Variants in BCO1 observed in about 807,000 individuals in gnomAD.
The protein encoded by BCO1 is beta,beta-carotene 15,15'-dioxygenase.
Under a neutral mutation model 56.3 loss-of-function variants are expected in BCO1, and 54 were observed. The observed-to-expected ratio is 0.96, with a 90% CI of 0.77 to 1.20. BCO1 has a LOEUF of 1.20. Among genes scored for constraint, BCO1 ranks in the 50% most tolerant of loss-of-function variants. The probability of loss-of-function intolerance (pLI) is 0.00; values close to 1 mark genes in which losing one functional copy is unlikely to be tolerated. For synonymous variants in BCO1, 318 were observed against 266.1 expected, an observed-to-expected ratio of 1.20 and a Z score of -1.90; for missense variants, 801 against 690.9, an observed-to-expected ratio of 1.16 and a Z score of -1.79.
Position 81,290,723 on chromosome 16 carries a change from T to C in BCO1, c.*146T>C. The C allele has an allele frequency of 1.6e-6, 1 of 640,350 alleles. No homozygotes were observed. 39.7% of individuals were successfully genotyped at this position (640,350 alleles called of 1,614,324 possible). ...GACAAGGGCATGGCAAGAGAGCTTGTCAGTATCATTTCTTTCATTTTATTT... is the reference window on the plus strand; with the variant it reads ...GACAAGGGCATGGCAAGAGAGCTTGCCAGTATCATTTCTTTCATTTTATTT... On this transcript the variant is annotated 3_prime_UTR_variant, in exon 11 of 11. Coordinates refer to ENST00000258168, the MANE Select transcript of BCO1 (RefSeq NM_017429.3).
At chr16:81,245,849 C>CTTTTTT (rs1176582576) in intron 2 of BCO1, among the ~76,000 whole-genome samples, 2 of 93,368 alleles carry the variant, frequency 2.1e-5, no homozygotes, top group South Asian at 4.8e-4. Flanking sequence ...CCATCTCTGT[C>CTTTTTT]TTTTTTTTTT....
intron 7 of BCO1, among the ~76,000 whole-genome samples, chr16:81,278,451 C>G (rs750777989): frequency 3.3e-5 from 5 of 152,206 alleles, no homozygotes; most frequent in Non-Finnish European, 5.9e-5. Flanking sequence ...TGCCCCTTGA[C>G]AGCCCAAAGA....
At chr16:81,248,506 C>A (rs1905570635) in intron 2 of BCO1, among the ~76,000 whole-genome samples, 1 of 151,512 alleles carries the variant, frequency 6.6e-6, no homozygotes, top group African/African-American at 2.4e-5. Context: ...CTTGCTCTAA[C>A]ATTTACACAT....
At chr16:81,274,685 C>G (rs924887602) in intron 7 of BCO1, among the ~76,000 whole-genome samples, 4 of 152,184 alleles carry the variant, frequency 2.6e-5, no homozygotes, top group African/African-American at 9.6e-5. Flanking sequence ...CAACACCAGC[C>G]TGGCCAACAA....
intron 7 of BCO1, among the ~76,000 whole-genome samples, chr16:81,270,945 C>T (rs1333496062): frequency 6.6e-6 from 1 of 151,994 alleles, no homozygotes; most frequent in Non-Finnish European, 1.5e-5. Context: ...GGGGTTTCAC[C>T]GTGTTAGCCA....
chr16:81,247,971 G>C (rs1394259540), intron 2 of BCO1, among the ~76,000 whole-genome samples: 2 of 152,180 alleles, frequency 1.3e-5, no homozygotes, highest in East Asian at 1.9e-4. Flanking sequence ...GACCCTGTCT[G>C]TCTCAGTCTC....
intron 7 of BCO1, among the ~76,000 whole-genome samples, chr16:81,271,072 G>A (rs1294693725): frequency 1.3e-5 from 2 of 150,866 alleles, no homozygotes; most frequent in African/African-American, 4.9e-5. Flanking sequence ...CAGCTTTATT[G>A]AGATGTAATT....
intron 8 of BCO1, 109 bp downstream of exon 8, chr16:81,281,071 A>T: frequency 1.3e-6 from 1 of 791,202 alleles, no homozygotes; most frequent in Admixed American, 2.1e-5. Context: ...AAGGGCCAAA[A>T]AGGAAAGGGT....
At chr16:81,257,839 C>T (rs1376280897) in intron 2 of BCO1, among the ~76,000 whole-genome samples, 1 of 148,158 alleles carries the variant, frequency 6.7e-6, no homozygotes, top group Non-Finnish European at 1.5e-5. Flanking sequence ...AAGATTCCAC[C>T]ATTGCACTCC....
chr16:81,244,467 A>G (rs1905278777), intron 1 of BCO1, among the ~76,000 whole-genome samples: 2 of 152,128 alleles, frequency 1.3e-5, no homozygotes, highest in Admixed American at 6.6e-5. Flanking sequence ...AATCTGGTGT[A>G]TATTTCATTC....
intron 4 of BCO1, 131 bp from the exon 5 acceptor site, chr16:81,264,509 T>C: frequency 8.9e-7 from 1 of 1,126,996 alleles, no homozygotes; most frequent in Non-Finnish European, 1.3e-6. Flanking sequence ...ATCCCTCATC[T>C]CTCTGAACCT....
At position 81,245,502 on chromosome 16, in the gene BCO1, C is replaced by T. The variant is rs372051322; in HGVS notation, c.92C>T (p.Thr31Ile). The change falls in exon 2 of 11, where the codon ACC becomes ATC. Residue 31 changes from threonine (T) to isoleucine (I), a missense_variant. Thr to Ile is a moderately conservative substitution (Grantham distance 89, BLOSUM62 -1). Coordinates refer to ENST00000258168, the MANE Select transcript of BCO1 (RefSeq NM_017429.3). ...AAGATTCCAGCATGGCTGCAGGGAA[C>T]CCTGCTCCGCAATGGGCCTGGGATG... Reference protein sequence around the residue: ...TGKIPAWLQGTLLRNGPGMHT... With the variant: ...TGKIPAWLQGILLRNGPGMHT... 3.6e-5 allele frequency: 58 copies of T among 1,613,642 alleles called. No individual in the cohort carries two copies. Among genetic ancestry groups the T allele is most frequent in the Non-Finnish European group, 4.7e-5 (56 of 1,179,716 alleles).
intron 10 of BCO1, among the ~76,000 whole-genome samples, chr16:81,288,835 C>T (rs1310728283): frequency 6.6e-6 from 1 of 152,202 alleles, no homozygotes; most frequent in African/African-American, 2.4e-5. Flanking sequence ...GGCTGCCCCA[C>T]TTGAGCCTGC....
chr16:81,275,694 C>G (rs1466703900), intron 7 of BCO1, among the ~76,000 whole-genome samples: 2 of 152,252 alleles, frequency 1.3e-5, no homozygotes, highest in African/African-American at 4.8e-5. Flanking sequence ...GCAGCATCTT[C>G]CTTCAGCCTT....
At chr16:81,239,059 C>T (rs534673722) in intron 1 of BCO1, 87 bp downstream of exon 1, 364 of 1,213,662 alleles carry the variant, frequency 3.0e-4, no homozygotes, top group East Asian at 5.7e-4. Flanking sequence ...CTCTGTCGCC[C>T]GGGCTGGAGT....
At chr16:81,245,736 C>G in intron 2 of BCO1, 133 bp downstream of exon 2, 1 of 1,154,862 alleles carries the variant, frequency 8.7e-7, no homozygotes, top group Non-Finnish European at 1.2e-6. Context: ...GAACTGAAAT[C>G]AAGGTGTTCA....
At chr16:81,240,395 A>G (rs554169060) in intron 1 of BCO1, among the ~76,000 whole-genome samples, 2 of 152,132 alleles carry the variant, frequency 1.3e-5, no homozygotes, top group Admixed American at 6.6e-5. Flanking sequence ...TCATCTGTAC[A>G]TATTTTATTT....
intron 2 of BCO1, among the ~76,000 whole-genome samples, chr16:81,253,086 G>C (rs919652461): frequency 6.6e-6 from 1 of 152,134 alleles, no homozygotes. Flanking sequence ...TCCAGCCTGG[G>C]TGACGGAGCA....
chr16:81,291,030 C>T lies in BCO1; in HGVS notation c.*453C>T, dbSNP rs1908430616. 1.8e-5 allele frequency: 3 copies of T among 165,334 alleles called. No homozygotes were observed. Among genetic ancestry groups the T allele is most frequent in the South Asian group, 3.2e-4 (2 of 6,196 alleles). 10.2% of individuals were successfully genotyped at this position (165,334 alleles called of 1,614,324 possible). ...TAAATTGTGTATCTGGGAGTTCTCA[C>T]TTTCTAGCCAGGCCTGATGAGTTAA... On this transcript the variant is annotated 3_prime_UTR_variant, in exon 11 of 11. Transcript: ENST00000258168.
Sources: allele counts gnomAD v4.1 joint callset (sites outside exome capture counted in the v4.1 genomes callset), GRCh38; gene constraint gnomAD v4.1.1; transcripts MANE v1.5; gene names NCBI Gene and HGNC (gene_info 2026-07-23, HGNC 2026-07-21).